SAAL1: variants seen among roughly 807,000 people sequenced by gnomAD.
SAAL1 encodes the protein serum amyloid A like 1, also known as protein SAAL1.
Under a neutral mutation model 59.8 loss-of-function variants are expected in SAAL1, and 42 were observed. The observed-to-expected ratio is 0.70, with a 90% confidence interval of 0.55 to 0.91. The LOEUF is 0.91. Among genes scored for constraint, SAAL1 ranks in the 40% least tolerant of loss-of-function variants. SAAL1 has a pLI of 0.00. For synonymous variants in SAAL1, 191 were observed against 194.3 expected (o/e 0.98, Z 0.14); for missense variants, 542 against 561.1 (o/e 0.97, Z 0.34).
chr11:18,099,613 A>T (rs540513496), intron 2 of SAAL1, among the ~76,000 whole-genome samples: 1 of 152,260 alleles, frequency 6.6e-6, no homozygotes, highest in African/African-American at 2.4e-5. Flanking sequence ...GAAGGAATTT[A>T]AATCCATCAG....
At chr11:18,104,685 G>A (rs1431120558) in intron 1 of SAAL1, among the ~76,000 whole-genome samples, 1 of 152,108 alleles carries the variant, frequency 6.6e-6, no homozygotes, top group Non-Finnish European at 1.5e-5. Context: ...AGTATTCAGA[G>A]GAAAGCACAA....
intron 9 of SAAL1, among the ~76,000 whole-genome samples, chr11:18,084,075 G>A (rs751788325): frequency 4.6e-5 from 7 of 152,260 alleles, no homozygotes; most frequent in Non-Finnish European, 7.4e-5. Context: ...GGTAGCTCAC[G>A]CTTGTAATCT....
At chr11:18,085,539 A>T (rs1178797661) in intron 9 of SAAL1, among the ~76,000 whole-genome samples, 1 of 152,230 alleles carries the variant, frequency 6.6e-6, no homozygotes, top group African/African-American at 2.4e-5. Context: ...GGCATAACAT[A>T]TCCTATCAAG....
intron 2 of SAAL1, among the ~76,000 whole-genome samples, 173 bp downstream of exon 2, chr11:18,103,060 C>T (rs1848650465): frequency 6.6e-6 from 1 of 152,162 alleles, no homozygotes; most frequent in African/African-American, 2.4e-5. Flanking sequence ...GCCTCAAAGA[C>T]AGAAGTTTAG....
At chr11:18,089,886 CA>C (rs1848503657) in intron 6 of SAAL1, among the ~76,000 whole-genome samples, 1 of 152,080 alleles carries the variant, frequency 6.6e-6, no homozygotes, top group Non-Finnish European at 1.5e-5. Flanking sequence ...CCCGTCTCTA[CA>C]AAAAATTTTA....
At chr11:18,104,440 CTTTTTT>C (rs201232815) in intron 1 of SAAL1, among the ~76,000 whole-genome samples, 6 of 143,900 alleles carry the variant, frequency 4.2e-5, no homozygotes, top group Admixed American at 2.1e-4. Flanking sequence ...TACATTTAAG[CTTTTTT>C]TTTTTTTTAA....
chr11:18,090,369 TTAACTTTTTTTTCTTATC>T (rs1848510818), intron 5 of SAAL1, 47 bp downstream of exon 5: 14 of 1,562,356 alleles, frequency 9.0e-6, no homozygotes, highest in Non-Finnish European at 1.1e-5. Context: ...AAATAAAAAA[TTAACTTTTTTTTCTTATC>T]TACTCTTATG....
intron 1 of SAAL1, among the ~76,000 whole-genome samples, 157 bp from the exon 2 acceptor site, chr11:18,103,503 T>C (rs1407332770): frequency 6.6e-6 from 1 of 152,232 alleles, no homozygotes; most frequent in African/African-American, 2.4e-5. Context: ...GGAGTTTGCA[T>C]GTTCTCCCCA....
At chr11:18,096,998 G>A in intron 2 of SAAL1, 144 bp from the exon 3 acceptor site, 3 of 598,434 alleles carry the variant, frequency 5.0e-6, no homozygotes, top group Admixed American at 3.3e-5. Context: ...CACATTGGGA[G>A]GCCAAGGCTG....
At position 18,090,199 on chromosome 11, in the gene SAAL1, A is replaced by C; in HGVS notation, c.565T>G (p.Phe189Val). ...EHPAIYDSIC[F>V]IMSSSTNVDL... ...CCATTTGTTGAACTTGACATAATGAAGCAAATGCTATCATAAATAGCTGGA... is the reference window on the plus strand; with the variant it reads ...CCATTTGTTGAACTTGACATAATGACGCAAATGCTATCATAAATAGCTGGA... The change falls in exon 6 of 12, where the codon TTC becomes GTC. Residue 189 changes from phenylalanine to valine, a missense_variant. Physicochemically the swap from Phe to Val is conservative, Grantham distance 50 (BLOSUM62 -1). Transcript: ENST00000524803. 6.2e-7 allele frequency: 1 copy of C among 1,601,984 alleles called. No homozygotes were observed. Among genetic ancestry groups the C allele is most frequent in the East Asian group, 2.2e-5 (1 of 44,804 alleles).
intron 11 of SAAL1, 107 bp downstream of exon 11, chr11:18,081,304 T>C (rs1408001191): frequency 4.0e-6 from 3 of 749,304 alleles, no homozygotes; most frequent in Non-Finnish European, 6.8e-6. Flanking sequence ...TCATATAAAT[T>C]GTATATACTA....
intron 10 of SAAL1, 193 bp from the exon 11 acceptor site, chr11:18,081,696 A>G: frequency 1.7e-6 from 1 of 573,748 alleles, no homozygotes; most frequent in Non-Finnish European, 3.1e-6. Flanking sequence ...ACTTTAGTGA[A>G]GGGCACCACC....
At chr11:18,087,097 A>G (rs1564870151) in intron 8 of SAAL1, 43 bp from the exon 9 acceptor site, 1 of 1,599,158 alleles carries the variant, frequency 6.3e-7, no homozygotes, top group South Asian at 1.1e-5. Context: ...AAAATCAGCA[A>G]ACAATTAAAT....
intron 9 of SAAL1, 136 bp downstream of exon 9, chr11:18,086,730 T>C (rs1197384569): frequency 4.3e-6 from 2 of 468,426 alleles, no homozygotes; most frequent in East Asian, 7.2e-5. Flanking sequence ...AAAAATAAAA[T>C]AAATAAATAT....
chr11:18,092,286 G>T lies in SAAL1; in HGVS notation c.372C>A (p.Phe124Leu). 1 of 1,608,130 alleles carries T rather than the reference G, an allele frequency of 6.2e-7. No homozygotes were observed. Among genetic ancestry groups the T allele is most frequent in the Non-Finnish European group, 8.5e-7 (1 of 1,174,694 alleles). ...CVGILGNMAC[F>L]QEICVSISSD... ...TGCTGATGGACACACATATCTCCTG[G>T]AAACAGGCCATATTACCTAAAATTC... Residue 124 changes from phenylalanine (F) to leucine (L), a missense_variant, in exon 4 of 12, where the codon TTC becomes TTA. By Grantham distance (22) the Phe-to-Leu change is conservative. Coordinates refer to ENST00000524803, the MANE Select transcript of SAAL1 (RefSeq NM_138421.3).
At chr11:18,098,094 C>T (rs532568517) in intron 2 of SAAL1, among the ~76,000 whole-genome samples, 2 of 152,304 alleles carry the variant, frequency 1.3e-5, no homozygotes, top group South Asian at 4.1e-4. Flanking sequence ...GTGCAGTGAG[C>T]TGAGATCTCG....
chr11:18,083,787 C>A, intron 9 of SAAL1, 56 bp from the exon 10 acceptor site: 1 of 1,185,486 alleles, frequency 8.4e-7, no homozygotes. Flanking sequence ...GTTTTTCATT[C>A]ATATGTATTG....
intron 7 of SAAL1, among the ~76,000 whole-genome samples, chr11:18,088,592 T>A (rs7104168): frequency 0.46 from 69,813 of 151,918 alleles, 17,636 homozygotes; most frequent in African/African-American, 0.67. Flanking sequence ...TCCCAGAAAA[T>A]GTCAGGAATA....
rs1426709971 is a variant in SAAL1, at chr11:18,105,999, C to G, written c.43G>C (p.Glu15Gln). The change falls in exon 1 of 12, where the codon GAG (glutamate) becomes CAG (glutamine). Residue 15 changes from glutamate to glutamine, a missense_variant. Transcript: ENST00000524803. ...CCACCGGCCACCTCCTCCTCCTCCT[C>G]CTTGTCGCGACCCGGCGGCGGCGGC... is the stretch of plus-strand genomic sequence containing the variant. ...PSPPPPGRDK[E>Q]EEEEVAGGDC... 8 of 1,609,290 alleles carry G rather than the reference C, an allele frequency of 5.0e-6. No homozygotes were observed. In the Admixed American group the frequency reaches 5.0e-5, roughly 10 times the overall value.
Sources: gnomAD v4.1 joint callset for allele counts (sites outside exome capture counted in the v4.1 genomes callset) on GRCh38, gnomAD v4.1.1 for gene constraint, MANE v1.5 for transcripts, NCBI Gene and HGNC (gene_info 2026-07-23, HGNC 2026-07-21) for gene names.